ROBO2: variants seen among roughly 807,000 people sequenced by gnomAD.
The protein encoded by ROBO2 is roundabout guidance receptor 2, also known as roundabout homolog 2.
ROBO2 carries 53 observed loss-of-function variants against 160.8 expected under a neutral mutation model. The ratio of observed to expected loss-of-function variants is 0.33; its 90% CI spans 0.26 to 0.41. The LOEUF is 0.41. ROBO2 is among the 10% of genes least tolerant of loss of function. ROBO2 has a pLI of 1.00. For missense variants in ROBO2, 1,577 were observed against 1,722.4 expected (o/e 0.92, Z 1.49); for synonymous variants, 664 against 611.7 (o/e 1.09, Z -1.26).
At chr3:76,968,416 T>C (rs941725862) in intron 2 of ROBO2, among the ~76,000 whole-genome samples, 1 of 152,162 alleles carries the variant, frequency 6.6e-6, no homozygotes, top group Admixed American at 6.5e-5. Context: ...CACAATGATC[T>C]AATCAATCTA....
At position 77,180,416 on chromosome 3, in the gene ROBO2, C is replaced by CTCTCTCTCTCTCTATATATATA. The variant is rs1433740534; in HGVS notation, c.388+82077_388+82078insCTCTCTCTCTCTATATATATAT. 4.3e-3 allele frequency among the ~76,000 whole-genome samples: 390 copies of CTCTCTCTCTCTCTATATATATA among 90,632 alleles called. 1 individual carries two copies. Among genetic ancestry groups the CTCTCTCTCTCTCTATATATATA allele is most frequent in the Middle Eastern group, 0.01 (1 of 98 alleles). The allele number at this position is 90,632 out of a possible 152,430, so 59.5% of individuals were successfully genotyped here. A position where few individuals can be genotyped will look rare whatever the true frequency, so the allele number is the denominator to read the frequency against. On this transcript the variant is annotated intron_variant, in intron 2 of 25. Coordinates refer to ENST00000461745, the Ensembl canonical transcript of ROBO2. ...TCTCTCTCTCTCTCTCTCTCTCTCT[C>CTCTCTCTCTCTCTATATATATA]TATATATATATATATGTATTTTTTT...
At chr3:77,394,359 A>G (rs1158395926) in intron 2 of ROBO2, among the ~76,000 whole-genome samples, 1 of 152,154 alleles carries the variant, frequency 6.6e-6, no homozygotes, top group African/African-American at 2.4e-5. Flanking sequence ...TCTTGAAGTG[A>G]AAAGAAAACT....
At chr3:76,764,337 C>T (rs1441538267) in intron 2 of ROBO2, among the ~76,000 whole-genome samples, 1 of 151,692 alleles carries the variant, frequency 6.6e-6, no homozygotes, top group Non-Finnish European at 1.5e-5. Flanking sequence ...TTTAAACATG[C>T]TTCCTTTCTG....
At chr3:76,610,085 C>T (rs1278794639) in intron 2 of ROBO2, among the ~76,000 whole-genome samples, 7 of 152,080 alleles carry the variant, frequency 4.6e-5, no homozygotes, top group Non-Finnish European at 1.0e-4. Flanking sequence ...AATTTTTTAA[C>T]GTGTTGTTAA....
At chr3:77,222,410 G>A (rs1008876977) in intron 2 of ROBO2, among the ~76,000 whole-genome samples, 8 of 152,106 alleles carry the variant, frequency 5.3e-5, no homozygotes, top group East Asian at 1.9e-4. Flanking sequence ...TTTGAATATC[G>A]CAGAGGATTT....
chr3:76,911,574 G>T (rs2075994302), intron 2 of ROBO2, among the ~76,000 whole-genome samples: 1 of 152,142 alleles, frequency 6.6e-6, no homozygotes, highest in South Asian at 2.1e-4. Flanking sequence ...ACTTAATAAA[G>T]TGTGTCAGCA....
intron 1 of ROBO2, among the ~76,000 whole-genome samples, chr3:77,059,021 T>A (rs1398622740): frequency 6.6e-6 from 1 of 152,198 alleles, no homozygotes; most frequent in Non-Finnish European, 1.5e-5. Context: ...AGACAAATAA[T>A]CGTGCTGAAT....
At chr3:77,094,167 C>T (rs1011873566) in intron 1 of ROBO2, among the ~76,000 whole-genome samples, 1 of 152,154 alleles carries the variant, frequency 6.6e-6, no homozygotes, top group African/African-American at 2.4e-5. Context: ...TTCCATACCC[C>T]AGCCCTAGGC....
intron 2 of ROBO2, among the ~76,000 whole-genome samples, chr3:77,033,536 G>A (rs982164686): frequency 6.6e-6 from 1 of 152,038 alleles, no homozygotes; most frequent in Non-Finnish European, 1.5e-5. Context: ...AATAGGTTAA[G>A]TTACAACCTG....
chr3:76,152,303 T>G (rs1164520738), intron 2 of ROBO2, among the ~76,000 whole-genome samples: 1 of 152,130 alleles, frequency 6.6e-6, no homozygotes, highest in East Asian at 1.9e-4. Flanking sequence ...GAAAATGCTA[T>G]TATAGATTTG....
At chr3:76,930,585 C>A (rs998569800) in intron 2 of ROBO2, among the ~76,000 whole-genome samples, 1 of 152,090 alleles carries the variant, frequency 6.6e-6, no homozygotes, top group Non-Finnish European at 1.5e-5. Flanking sequence ...ATATACAAGA[C>A]ATTTATTATG....
intron 2 of ROBO2, among the ~76,000 whole-genome samples, chr3:76,436,959 C>A (rs1031324472): frequency 6.6e-6 from 1 of 152,182 alleles, no homozygotes; most frequent in Non-Finnish European, 1.5e-5. Context: ...AATATATCCT[C>A]AAGCTGCAAA....
chr3:76,414,036 A>G (rs1177670071), intron 2 of ROBO2, among the ~76,000 whole-genome samples: 3 of 151,942 alleles, frequency 2.0e-5, no homozygotes, highest in Non-Finnish European at 2.9e-5. Flanking sequence ...CAGCAAGAGA[A>G]AATGAGGAAG....
intron 23 of ROBO2, among the ~76,000 whole-genome samples, chr3:77,628,866 A>G (rs139368508): frequency 1.3e-4 from 20 of 152,310 alleles, no homozygotes; most frequent in African/African-American, 4.8e-4. Flanking sequence ...AATATGGCCA[A>G]GTATCTGTGG....
intron 2 of ROBO2, among the ~76,000 whole-genome samples, chr3:77,321,917 A>T (rs1389634389): frequency 1.3e-5 from 2 of 152,150 alleles, no homozygotes; most frequent in Non-Finnish European, 2.9e-5. Flanking sequence ...AGTGTAAATG[A>T]TCAAGAGTTT....
At position 77,429,305 on chromosome 3, in the gene ROBO2, G is replaced by A. The variant is rs34093987; in HGVS notation, c.389-48109G>A. 3.9e-3 allele frequency among the ~76,000 whole-genome samples: 586 copies of A among 152,140 alleles called. 3 individuals are homozygous for A. Among genetic ancestry groups the A allele is most frequent in the Middle Eastern group, 0.021 (6 of 292 alleles). On this transcript the variant is annotated intron_variant, in intron 2 of 25. Transcript: ENST00000461745. The stretch of plus-strand genomic sequence containing the variant: ...TTATTACCATCCCATAAGTGCACCC[G>A]ACTTGCTTTACCAGACTATGACACA...
intron 2 of ROBO2, among the ~76,000 whole-genome samples, chr3:77,395,025 A>G (rs1370877202): frequency 2.0e-5 from 3 of 152,172 alleles, no homozygotes; most frequent in African/African-American, 7.2e-5. Flanking sequence ...CAAACTATGA[A>G]GGAAATGATT....
chr3:77,627,386 T>C (rs977246004), intron 23 of ROBO2, among the ~76,000 whole-genome samples: 8 of 152,098 alleles, frequency 5.3e-5, no homozygotes, highest in African/African-American at 1.9e-4. Context: ...TTCAAGAGAT[T>C]CTCCTGCCTC....
chr3:75,914,679 G>A (rs1476728634), intron 1 of ROBO2, among the ~76,000 whole-genome samples: 1 of 152,174 alleles, frequency 6.6e-6, no homozygotes, highest in East Asian at 1.9e-4. Flanking sequence ...AGTGAAAGGT[G>A]AAATTGGAGT....
Sources: allele counts gnomAD v4.1 joint callset (sites outside exome capture counted in the v4.1 genomes callset), GRCh38; gene constraint gnomAD v4.1.1; transcripts MANE v1.5; gene names NCBI Gene and HGNC (gene_info 2026-07-23, HGNC 2026-07-21).